The following GRIP2 variants were observed in gnomAD, a reference collection of about 807,000 sequenced individuals.
The protein encoded by GRIP2 is glutamate receptor interacting protein 2.
GRIP2 carries 58 observed loss-of-function variants against 108.3 expected under a neutral mutation model. The ratio of observed to expected loss-of-function variants is 0.54; its 90% confidence interval spans 0.43 to 0.67. GRIP2 has a LOEUF of 0.67. Ranked by LOEUF, GRIP2 falls within the 30% of genes least tolerant of loss-of-function variation. The pLI, the probability that GRIP2 is intolerant of heterozygous loss-of-function variation, is 0.00. For synonymous variants in GRIP2, 586 were observed against 598.2 expected (o/e 0.98, Z 0.30); for missense variants, 1,278 against 1,430.6 (o/e 0.89, Z 1.72).
Position 14,508,399 on chromosome 3 carries a change from A to G in GRIP2, c.2079-699T>C, listed in dbSNP as rs140804025. Among the ~76,000 whole-genome samples the G allele has an allele frequency of 1.1e-3, 162 of 152,358 alleles. 1 individual carries two copies. The highest frequency in any genetic ancestry group is 3.6e-3 in the African/African-American group (150 of 41,582). On this transcript the variant is annotated intron_variant, in intron 17 of 23. Coordinates refer to ENST00000621039, the MANE Select transcript of GRIP2 (RefSeq NM_001080423.4). ...ATGGGGCAGGAAGGTGATTCTGAGGAGCAGCCAGGGCTGAGCAGGGGAGAA... is the reference window on the plus strand; with the variant it reads ...ATGGGGCAGGAAGGTGATTCTGAGGGGCAGCCAGGGCTGAGCAGGGGAGAA...
In GRIP2 at chr3:14,501,144, T is replaced by C. The variant is rs764278046; in HGVS notation, c.2679+2422A>G. Among the ~76,000 whole-genome samples the C allele has an allele frequency of 9.2e-5, 14 of 152,302 alleles. 1 individual carries two copies. Among genetic ancestry groups the C allele is most frequent in the South Asian group, 4.1e-4 (2 of 4,824 alleles). ...AAGTCAAATACACACTCCACTTTTA[T>C]GAAATATCCAGAATAGGCTAATCCA... On this transcript the variant is annotated intron_variant, in intron 21 of 23. Coordinates refer to ENST00000621039, the MANE Select transcript of GRIP2 (RefSeq NM_001080423.4).
the GRIP2 span, among the ~76,000 whole-genome samples, chr3:14,575,320 A>C: frequency 1.3e-5 from 2 of 152,226 alleles, no homozygotes; most frequent in African/African-American, 2.4e-5. Context: ...ATATGCCCGC[A>C]CCACCCCCAG....
At chr3:14,524,648 A>C in intron 3 of GRIP2, 110 bp from the exon 4 acceptor site, 3 of 1,226,140 alleles carry the variant, frequency 2.4e-6, no homozygotes, top group Non-Finnish European at 3.4e-6. Flanking sequence ...TCCTCATTTC[A>C]CAAATGGGGA....
chr3:14,583,137 C>A, the GRIP2 span, among the ~76,000 whole-genome samples: 4 of 152,294 alleles, frequency 2.6e-5, no homozygotes, highest in African/African-American at 9.6e-5. Context: ...AGCTTTCTTT[C>A]GGCTCTGGGG....
At chr3:14,602,998 G>GCGGCCCGGCCCGGCCTCGC in the GRIP2 span, among the ~76,000 whole-genome samples, 1 of 146,940 alleles carries the variant, frequency 6.8e-6, no homozygotes, top group African/African-American at 2.4e-5. The surrounding 1 kb of genome is among the most constrained non-coding windows in gnomAD (Gnocchi z 4.7). Context: ...CGGCCGCCCT[G>GCGGCCCGGCCCGGCCTCGC]CGGCCCGGCC....
rs371589692 is a variant in GRIP2, at chr3:14,505,665, G to T, written c.2523C>A (p.Asp841Glu). 17 of 1,608,132 alleles carry T rather than the reference G, an allele frequency of 1.1e-5. No individual in the cohort carries two copies. The highest frequency in any genetic ancestry group is 1.4e-5 in the Non-Finnish European group (16 of 1,177,456). ...CCTCCTCCTCCTCTGGAAAGCTCTCGTCAGCTGGGGTTGGGGTATAGCTCG... is the reference window on the plus strand; with the variant it reads ...CCTCCTCCTCCTCTGGAAAGCTCTCTTCAGCTGGGGTTGGGGTATAGCTCG... ...RRTSYTPTPA[D>E]ESFPEEEEED... The change falls in exon 20 of 24, where the codon GAC (aspartate) becomes GAA (glutamate). Residue 841 changes from aspartate to glutamate, a missense_variant. Coordinates refer to ENST00000621039, the MANE Select transcript of GRIP2 (RefSeq NM_001080423.4). This position sits in a 1 kb window ranked among gnomAD's most constrained non-coding sequence, Gnocchi z 4.2.
Position 14,525,571 on chromosome 3 carries a change from C to T in GRIP2, c.123G>A (p.Glu41=), listed in dbSNP as rs769062547. ...CCACCACAGTGATCCCTCGGAACTCCTCTGCCAACAGATGGGGATGGGGGC... is the reference window on the plus strand; with the variant it reads ...CCACCACAGTGATCCCTCGGAACTCTTCTGCCAACAGATGGGGATGGGGGC... The part of the protein sequence containing the change: ...SLACRRQSIP[E]EFRGITVVEL... The change falls in exon 3 of 24, where the codon GAG becomes GAA. Residue 41 remains glutamate (E), a splice_region_variant and synonymous_variant. Transcript: ENST00000621039. The T allele has an allele frequency of 1.9e-6, 3 of 1,613,796 alleles. No individual in the cohort carries two copies. The highest frequency in any genetic ancestry group is 4.5e-5 in the East Asian group (2 of 44,876).
intron 1 of GRIP2, among the ~76,000 whole-genome samples, chr3:14,548,862 T>C (rs13072713): frequency 0.24 from 36,656 of 152,150 alleles, 4,951 homozygotes; most frequent in South Asian, 0.41. Context: ...GCTCCCTCCT[T>C]GAGCCCTTTG....
chr3:14,507,434 C>T lies in GRIP2; in HGVS notation c.2218+127G>A, dbSNP rs150067770. 2.2e-4 allele frequency: 252 copies of T among 1,169,292 alleles called. No individual in the cohort carries two copies. The African/African-American group carries it at 3.4e-3, about 16-fold the overall frequency. 72.4% of individuals were successfully genotyped at this position (1,169,292 alleles called of 1,614,324 possible). On this transcript the variant is annotated intron_variant, in intron 18 of 23. Transcript: ENST00000621039. This position sits in a 1 kb window ranked among gnomAD's most constrained non-coding sequence, Gnocchi z 4.6. ...CCTCTCTGAGTCTTATCTTCTTTGCCATCGCAGGCCCGCCTCCACAGGGCT... is the reference window on the plus strand; with the variant it reads ...CCTCTCTGAGTCTTATCTTCTTTGCTATCGCAGGCCCGCCTCCACAGGGCT...
intron 19 of GRIP2, among the ~76,000 whole-genome samples, chr3:14,506,135 G>C (rs1045174609): frequency 1.1e-4 from 16 of 152,230 alleles, no homozygotes; most frequent in African/African-American, 1.7e-4. Context: ...TGCTGACAGA[G>C]AGCTGGAGAT....
intron 11 of GRIP2, among the ~76,000 whole-genome samples, chr3:14,516,692 C>T (rs753778470): frequency 1.6e-4 from 25 of 152,142 alleles, no homozygotes; most frequent in Non-Finnish European, 2.9e-4. Flanking sequence ...GATATAGTAA[C>T]GCAGCACTGA....
chr3:14,498,227 G>A (rs565633938), intron 21 of GRIP2, among the ~76,000 whole-genome samples: 3 of 152,204 alleles, frequency 2.0e-5, no homozygotes, highest in South Asian at 2.1e-4. Context: ...TTTGGGAGGC[G>A]GAGGCAGGAG....
intron 1 of GRIP2, among the ~76,000 whole-genome samples, chr3:14,530,824 G>C (rs764742929): frequency 6.6e-6 from 1 of 152,016 alleles, no homozygotes; most frequent in Non-Finnish European, 1.5e-5. Flanking sequence ...AAGTAAATGG[G>C]GTATCCATCA....
the GRIP2 span, among the ~76,000 whole-genome samples, chr3:14,586,324 AG>A: frequency 6.6e-6 from 1 of 152,258 alleles, no homozygotes; most frequent in Admixed American, 6.5e-5. Context: ...ACAAGAATAA[AG>A]ACTCAGTCTT....
At chr3:14,495,019 G>A (rs1693547404) in intron 22 of GRIP2, 30 bp from the exon 23 acceptor site, 1 of 1,610,854 alleles carries the variant, frequency 6.2e-7, no homozygotes. Context: ...GAGGTTCCTG[G>A]AACTCTGACC....
intron 11 of GRIP2, among the ~76,000 whole-genome samples, chr3:14,515,307 T>G (rs1033749238): frequency 2.6e-5 from 4 of 152,246 alleles, no homozygotes; most frequent in Non-Finnish European, 5.9e-5. Context: ...CATTTGTGTA[T>G]AAGTTTTTAG....
chr3:14,568,257 A>T, the GRIP2 span, among the ~76,000 whole-genome samples: 38 of 152,178 alleles, frequency 2.5e-4, no homozygotes, highest in African/African-American at 9.2e-4. Flanking sequence ...GTGAGGGTGG[A>T]GGTGGGAAGA....
At chr3:14,559,471 T>C (rs934931713), upstream of GRIP2, among the ~76,000 whole-genome samples, 1 of 148,730 alleles carries the variant, frequency 6.7e-6, no homozygotes, top group Admixed American at 6.7e-5. Flanking sequence ...CCAAGAGAGA[T>C]GCTATGATCC....
chr3:14,574,788 C>G, the GRIP2 span: 1 of 361,756 alleles, frequency 2.8e-6, no homozygotes, highest in African/African-American at 2.1e-5. Context: ...CACCAACTCT[C>G]GCTTCCCACA....
Sources: gnomAD v4.1 joint callset for allele counts (sites outside exome capture counted in the v4.1 genomes callset) on GRCh38, gnomAD v4.1.1 for gene constraint, Gnocchi (gnomAD v3.1) non-coding constraint, MANE v1.5 for transcripts, NCBI Gene and HGNC (gene_info 2026-07-23, HGNC 2026-07-21) for gene names.